Variants in PDE4D observed in about 807,000 individuals in gnomAD.
The protein encoded by PDE4D is 3',5'-cyclic-AMP phosphodiesterase 4D.
A neutral mutation model predicts 87.4 loss-of-function variants in PDE4D; 24 were observed. The observed-to-expected ratio is 0.27, with a 90% CI of 0.20 to 0.39. The LOEUF is 0.39. Among genes scored for constraint, PDE4D ranks in the 10% least tolerant of loss-of-function variants. PDE4D has a pLI of 1.00. For missense variants in PDE4D, 714 were observed against 1,041.0 expected (o/e 0.69, Z 4.32); for synonymous variants, 384 against 383.2 (o/e 1.00, Z -0.02).
intron 1 of PDE4D, among the ~76,000 whole-genome samples, chr5:60,291,797 A>G (rs1752922569): frequency 6.6e-6 from 1 of 152,178 alleles, no homozygotes; most frequent in Non-Finnish European, 1.5e-5. Context: ...AAAGCCTTTG[A>G]CCTGGTAGTT....
chr5:59,226,228 CA>C (rs1245321801), intron 1 of PDE4D, among the ~76,000 whole-genome samples: 2 of 151,976 alleles, frequency 1.3e-5, no homozygotes, highest in Non-Finnish European at 2.9e-5. Flanking sequence ...TTCACAATAC[CA>C]AGATGTGGAA....
chr5:60,106,965 A>C (rs1034538939), intron 2 of PDE4D, among the ~76,000 whole-genome samples: 1 of 151,968 alleles, frequency 6.6e-6, no homozygotes, highest in Non-Finnish European at 1.5e-5. Flanking sequence ...AAGCAAGAGC[A>C]AACACATTCA....
intron 2 of PDE4D, among the ~76,000 whole-genome samples, chr5:60,054,182 C>T (rs1038509078): frequency 1.2e-4 from 18 of 151,986 alleles, no homozygotes; most frequent in South Asian, 2.1e-4. Flanking sequence ...ATCCCATTAC[C>T]GGATATATAC....
rs549576024 is a variant in PDE4D at position 59,590,109 on chromosome 5, G to C, written c.455+303059C>G. On this transcript the variant is annotated intron_variant, in intron 1 of 14. Coordinates refer to ENST00000340635, the MANE Select transcript of PDE4D (RefSeq NM_001104631.2). The stretch of plus-strand genomic sequence containing the variant: ...TAAGGCAACAAATATAAAAGAATAG[G>C]CTTGCTTAGAAAATAGAAATAACTC... 3.9e-5 allele frequency among the ~76,000 whole-genome samples: 6 copies of C among 152,098 alleles called. No homozygotes were observed. The South Asian group carries it at 1.0e-3, about 26-fold the overall frequency.
intron 1 of PDE4D, among the ~76,000 whole-genome samples, chr5:60,231,745 C>A (rs1466176596): frequency 1.3e-5 from 2 of 151,930 alleles, no homozygotes; most frequent in Non-Finnish European, 2.9e-5. Context: ...TAAACATGAC[C>A]TCTCAGGACA....
chr5:59,456,671 GA>G (rs1352008483), intron 1 of PDE4D, among the ~76,000 whole-genome samples: 1 of 152,112 alleles, frequency 6.6e-6, no homozygotes, highest in Admixed American at 6.5e-5. Flanking sequence ...TATGGATAAA[GA>G]AAATTAAAAA....
intron 1 of PDE4D, among the ~76,000 whole-genome samples, chr5:59,682,449 C>A (rs2150367943): frequency 6.6e-6 from 1 of 152,240 alleles, no homozygotes; most frequent in Non-Finnish European, 1.5e-5. Context: ...CCCCAGGAAA[C>A]ACAAAATAAA....
chr5:60,176,703 G>A (rs1308810685), intron 2 of PDE4D, among the ~76,000 whole-genome samples: 1 of 152,096 alleles, frequency 6.6e-6, no homozygotes, highest in African/African-American at 2.4e-5. Context: ...AAAAGAAAAG[G>A]TGTTATTCCA....
At chr5:60,104,957 C>A (rs952859881) in intron 2 of PDE4D, among the ~76,000 whole-genome samples, 1 of 152,334 alleles carries the variant, frequency 6.6e-6, no homozygotes, top group South Asian at 2.1e-4. Flanking sequence ...CAGAGCCCCT[C>A]TCCTCCTCCA....
intron 1 of PDE4D, chr5:59,768,390 A>G (rs1269392502): frequency 1.3e-6 from 2 of 1,598,342 alleles, no homozygotes; most frequent in East Asian, 4.5e-5. Context: ...TGGACTTCTC[A>G]TGCTGCAACA....
At chr5:60,259,796 A>C (rs1749456003) in intron 1 of PDE4D, among the ~76,000 whole-genome samples, 1 of 152,000 alleles carries the variant, frequency 6.6e-6, no homozygotes, top group African/African-American at 2.4e-5. Flanking sequence ...TTCATGATGC[A>C]GAAAGGTACA....
chr5:59,591,510 T>C (rs930396656), intron 1 of PDE4D, among the ~76,000 whole-genome samples: 1 of 152,216 alleles, frequency 6.6e-6, no homozygotes, highest in Admixed American at 6.5e-5. Context: ...TTTGTCATCA[T>C]TGCATTTTGG....
chr5:59,771,522 G>GA (rs1554081558), intron 1 of PDE4D, among the ~76,000 whole-genome samples: 7 of 145,162 alleles, frequency 4.8e-5, no homozygotes, highest in African/African-American at 1.9e-4. Context: ...AAGAAAGAAA[G>GA]AAAGAAAGAA....
At chr5:59,977,807 G>T (rs564529044) in intron 3 of PDE4D, among the ~76,000 whole-genome samples, 4 of 152,262 alleles carry the variant, frequency 2.6e-5, no homozygotes, top group African/African-American at 9.6e-5. Context: ...TGACTCTCCT[G>T]GTAGGAGCTA....
chr5:59,809,347 C>T (rs1282286695), intron 1 of PDE4D, among the ~76,000 whole-genome samples: 1 of 152,030 alleles, frequency 6.6e-6, no homozygotes, highest in East Asian at 1.9e-4. Context: ...GGGCTTTGGG[C>T]AATAAAATCA....
At chr5:60,437,057 C>G (rs1744816242) in intron 1 of PDE4D, among the ~76,000 whole-genome samples, 2 of 151,986 alleles carry the variant, frequency 1.3e-5, no homozygotes, top group Admixed American at 1.3e-4. Context: ...TCAACACAAT[C>G]ACTTTTTCTC....
At chr5:59,470,001 A>G (rs1461122772) in intron 1 of PDE4D, among the ~76,000 whole-genome samples, 3 of 152,120 alleles carry the variant, frequency 2.0e-5, no homozygotes, top group Non-Finnish European at 4.4e-5. Context: ...TGATGTTCTC[A>G]GGGCCCACCA....
At chr5:59,012,896 G>C (rs7711904) in intron 6 of PDE4D, among the ~76,000 whole-genome samples, 2,911 of 152,230 alleles carry the variant, frequency 0.019, 82 homozygotes, top group African/African-American at 0.055. Context: ...TGACCACATA[G>C]TTGGAAGTAA....
chr5:59,733,364 G>C (rs1757647097), intron 1 of PDE4D, among the ~76,000 whole-genome samples: 1 of 152,080 alleles, frequency 6.6e-6, no homozygotes, highest in South Asian at 2.1e-4. Context: ...GACTTTAAAG[G>C]GCTCACTGAA....
Sources: allele counts gnomAD v4.1 joint callset (sites outside exome capture counted in the v4.1 genomes callset), GRCh38; gene constraint gnomAD v4.1.1; transcripts MANE v1.5; gene names NCBI Gene and HGNC (gene_info 2026-07-23, HGNC 2026-07-21).